Variants in NACC2 observed in about 807,000 individuals in gnomAD.
NACC2 encodes nucleus accumbens-associated protein 2.
NACC2 carries 8 observed loss-of-function variants against 25.1 expected under a neutral mutation model. That is an observed-to-expected ratio of 0.32 (90% CI 0.19 to 0.57). The LOEUF is 0.57. Among genes scored for constraint, NACC2 ranks in the 20% least tolerant of loss-of-function variants. The pLI, the probability that NACC2 is intolerant of heterozygous loss-of-function variation, is 0.89. For missense variants in NACC2, 644 were observed against 650.2 expected (o/e 0.99, Z 0.10); for synonymous variants, 435 against 294.7 (o/e 1.48, Z -4.88).
chr9:136,011,781 C>T lies in NACC2; in HGVS notation c.1499G>A (p.Arg500Gln), dbSNP rs368687607. Reference sequence around the variant, plus strand: ...AGCCACGATGGTGGCGGCGTCGCCCCGCCGCTCGGCGTAGATGCGTTGCTC... The same window carrying T: ...AGCCACGATGGTGGCGGCGTCGCCCTGCCGCTCGGCGTAGATGCGTTGCTC... ...VFEQRIYAER[R>Q]GDAATIVALR... The change falls in exon 6 of 6, where the codon CGG (arginine) becomes CAG (glutamine). Residue 500 changes from arginine to glutamine, a missense_variant. Coordinates refer to ENST00000277554, the MANE Select transcript of NACC2 (RefSeq NM_144653.5). The T allele has an allele frequency of 2.1e-5, 33 of 1,545,448 alleles. No individual in the cohort carries two copies. The highest frequency in any genetic ancestry group is 2.4e-5 in the Non-Finnish European group (28 of 1,145,404).
At chr9:136,082,590 G>T (rs755055335) in intron 1 of NACC2, among the ~76,000 whole-genome samples, 1 of 152,230 alleles carries the variant, frequency 6.6e-6, no homozygotes, top group African/African-American at 2.4e-5. Flanking sequence ...TAGAGCCGAG[G>T]CGTCTTAGCA....
intron 2 of NACC2, among the ~76,000 whole-genome samples, chr9:136,042,384 A>G (rs1840646630): frequency 6.6e-6 from 1 of 152,218 alleles, no homozygotes; most frequent in Admixed American, 6.5e-5. Context: ...TATCTGGCAT[A>G]AGCACAGACA....
At chr9:136,082,497 G>C (rs1375736812) in intron 1 of NACC2, among the ~76,000 whole-genome samples, 1 of 152,256 alleles carries the variant, frequency 6.6e-6, no homozygotes. Flanking sequence ...GCAGGGCGGA[G>C]CTGACAGTGG....
At chr9:136,087,530 C>T (rs1450708708) in intron 1 of NACC2, among the ~76,000 whole-genome samples, 1 of 152,236 alleles carries the variant, frequency 6.6e-6, no homozygotes, top group African/African-American at 2.4e-5. Flanking sequence ...CCTCGCAGGG[C>T]CCGGCTGGGG....
rs2131162406 is a variant in NACC2 at position 136,050,142 on chromosome 9, T to A, written c.380A>T (p.His127Leu). The A allele has an allele frequency of 7.8e-6, 6 of 766,156 alleles. No homozygotes were observed. In the East Asian group the frequency reaches 1.5e-4, roughly 19 times the overall value. The allele number at this position is 766,156 out of a possible 1,614,324, so 47.5% of individuals were successfully genotyped here. Residue 127 changes from histidine (H) to leucine (L), a missense_variant, in exon 2 of 6, where the codon CAC (histidine) becomes CTC (leucine). Coordinates refer to ENST00000277554, the MANE Select transcript of NACC2 (RefSeq NM_144653.5). ...TDLMFKVSSP[H>L]CDSQTAVIED... ...GATCACAGCGGTCTGCGAGTCGCAG[T>A]GGGGCGAGCTCACCTTGAACATGAG... is the stretch of plus-strand genomic sequence containing the variant.
intron 2 of NACC2, among the ~76,000 whole-genome samples, chr9:136,021,193 C>T (rs1840286684): frequency 6.6e-6 from 1 of 152,144 alleles, no homozygotes; most frequent in Non-Finnish European, 1.5e-5. Context: ...AGTTAAAAAC[C>T]AACAATCCAG....
chr9:136,083,657 G>A (rs1588584455), intron 1 of NACC2, among the ~76,000 whole-genome samples: 1 of 152,208 alleles, frequency 6.6e-6, no homozygotes, highest in Non-Finnish European at 1.5e-5. Context: ...ACCACAGGCG[G>A]CTGGCACCAC....
In NACC2 at chr9:136,086,956, A is replaced by T. The variant is rs566870697; in HGVS notation, c.-60+8233T>A. ...TACCTGACCCTTTGAATGCGGCCTT[A>T]TTTGGAAACAGGGTCTTTACAGATA... On this transcript the variant is annotated intron_variant, in intron 1 of 5. Transcript: ENST00000277554. The surrounding 1 kb of genome is among the most constrained non-coding windows in gnomAD (Gnocchi z 5.6). Among the ~76,000 whole-genome samples the T allele has an allele frequency of 2.6e-5, 4 of 152,326 alleles. No homozygotes were observed. In the East Asian group the frequency reaches 7.7e-4, roughly 29 times the overall value.
chr9:136,059,711 G>A (rs1840981534), intron 1 of NACC2, among the ~76,000 whole-genome samples: 1 of 152,258 alleles, frequency 6.6e-6, no homozygotes, highest in Non-Finnish European at 1.5e-5. Context: ...ACCATGACAA[G>A]GACGGGACAG....
At chr9:136,063,767 C>T (rs1157555800) in intron 1 of NACC2, among the ~76,000 whole-genome samples, 1 of 151,666 alleles carries the variant, frequency 6.6e-6, no homozygotes, top group African/African-American at 2.4e-5. Flanking sequence ...CCTATTATCC[C>T]AGCTACTCAG....
chr9:136,048,610 C>G (rs1261950319), intron 2 of NACC2, among the ~76,000 whole-genome samples: 3 of 152,258 alleles, frequency 2.0e-5, no homozygotes, highest in African/African-American at 7.2e-5. Context: ...GAGCCCAGAG[C>G]ACCTGCTGGC....
At position 136,049,866 on chromosome 9, in the gene NACC2, G is replaced by A; in HGVS notation, c.656C>T (p.Pro219Leu). The A allele has an allele frequency of 3.1e-6, 2 of 648,902 alleles. No individual in the cohort carries two copies. The highest frequency in any genetic ancestry group is 5.7e-6 in the Non-Finnish European group (2 of 350,398). 40.2% of individuals were successfully genotyped at this position (648,902 alleles called of 1,614,324 possible). Reference protein sequence around the residue: ...VAAGTAPLKLPRVSYYGVPSL... With the variant: ...VAAGTAPLKLLRVSYYGVPSL... ...GGGCACCCCGTAGTAGGAGACACGGGGCAGTTTGAGAGGGGCTGTGCCCGC... is the reference window on the plus strand; with the variant it reads ...GGGCACCCCGTAGTAGGAGACACGGAGCAGTTTGAGAGGGGCTGTGCCCGC... Residue 219 changes from proline (P) to leucine (L), a missense_variant, in exon 2 of 6, where the codon CCC becomes CTC. Transcript: ENST00000277554.
At chr9:136,021,852 T>A (rs1382867334) in intron 2 of NACC2, among the ~76,000 whole-genome samples, 1 of 152,224 alleles carries the variant, frequency 6.6e-6, no homozygotes, top group Non-Finnish European at 1.5e-5. Context: ...AATGATTACA[T>A]ACTGGTGATC....
chr9:136,078,103 G>A (rs548444211), intron 1 of NACC2, among the ~76,000 whole-genome samples: 15 of 152,250 alleles, frequency 9.9e-5, no homozygotes, highest in African/African-American at 1.9e-4. Context: ...GAGGTTTGCC[G>A]TACTATCTTT....
chr9:136,079,321 C>G (rs1830297027), intron 1 of NACC2, among the ~76,000 whole-genome samples: 1 of 152,196 alleles, frequency 6.6e-6, no homozygotes, highest in African/African-American at 2.4e-5. Flanking sequence ...CAGCCACCTT[C>G]AGGCCTGATG....
chr9:136,052,929 G>C (rs1996743), intron 1 of NACC2, among the ~76,000 whole-genome samples: 107,383 of 152,176 alleles, frequency 0.71, 39,476 homozygotes, highest in East Asian at 0.92. Context: ...GCTCATACCA[G>C]CCTCTCTGCG....
intron 1 of NACC2, among the ~76,000 whole-genome samples, chr9:136,051,500 G>A (rs1158069416): frequency 6.6e-6 from 1 of 152,196 alleles, no homozygotes; most frequent in African/African-American, 2.4e-5. Context: ...TGTTTATCTG[G>A]TGCGGACTCC....
chr9:136,081,737 C>A (rs1387189007), intron 1 of NACC2, among the ~76,000 whole-genome samples: 2 of 152,074 alleles, frequency 1.3e-5, no homozygotes, highest in Non-Finnish European at 2.9e-5. Context: ...CCCTGGGGCA[C>A]CATCCCCACC....
intron 1 of NACC2, among the ~76,000 whole-genome samples, chr9:136,089,028 T>G (rs1830408302): frequency 6.6e-6 from 1 of 152,240 alleles, no homozygotes; most frequent in African/African-American, 2.4e-5. Flanking sequence ...AAATTATGTT[T>G]CCCTTTATAG....
Sources: gnomAD v4.1 joint callset for allele counts (sites outside exome capture counted in the v4.1 genomes callset) on GRCh38, gnomAD v4.1.1 for gene constraint, Gnocchi (gnomAD v3.1) non-coding constraint, MANE v1.5 for transcripts, NCBI Gene and HGNC (gene_info 2026-07-23, HGNC 2026-07-21) for gene names.